Variants in SCAI observed in about 807,000 individuals in gnomAD.
The protein encoded by SCAI is suppressor of cancer cell invasion.
A neutral mutation model predicts 92.2 loss-of-function variants in SCAI; 24 were observed. The observed-to-expected ratio is 0.26, with a 90% CI of 0.19 to 0.37. The LOEUF is 0.37. Ranked by LOEUF, SCAI falls within the 10% of genes least tolerant of loss-of-function variation. SCAI has a pLI of 1.00. For synonymous variants in SCAI, 261 were observed against 258.6 expected (o/e 1.01, Z -0.09); for missense variants, 450 against 736.2 (o/e 0.61, Z 4.50).
intron 2 of SCAI, among the ~76,000 whole-genome samples, chr9:125,066,452 A>ATTT (rs879310884): frequency 8.4e-6 from 1 of 118,696 alleles, no homozygotes; most frequent in African/African-American, 3.3e-5. Context: ...ATTTTATTTT[A>ATTT]TTTATTTATT....
At chr9:125,063,239 T>A (rs1222700544) in intron 2 of SCAI, among the ~76,000 whole-genome samples, 2 of 151,090 alleles carry the variant, frequency 1.3e-5, no homozygotes, top group Non-Finnish European at 2.9e-5. Context: ...CAAAACAGCA[T>A]CTCTATTAAA....
intron 2 of SCAI, among the ~76,000 whole-genome samples, chr9:125,079,636 C>G (rs1031774139): frequency 2.0e-5 from 3 of 151,908 alleles, no homozygotes; most frequent in Non-Finnish European, 4.4e-5. Context: ...AATTCCCAGT[C>G]TTTGAGTCTG....
At chr9:124,996,934 T>C (rs1467479445) in intron 13 of SCAI, among the ~76,000 whole-genome samples, 2 of 152,084 alleles carry the variant, frequency 1.3e-5, no homozygotes, top group Non-Finnish European at 2.9e-5. Context: ...CCAGCCAATA[T>C]AGTATTTTTA....
At chr9:125,054,550 A>G (rs1251713847) in intron 3 of SCAI, among the ~76,000 whole-genome samples, 4 of 152,190 alleles carry the variant, frequency 2.6e-5, no homozygotes, top group Non-Finnish European at 5.9e-5. Flanking sequence ...GAGAAAAAAA[A>G]AAAGTCTAAG....
intron 3 of SCAI, among the ~76,000 whole-genome samples, chr9:125,046,708 A>T (rs913768018): frequency 7.3e-5 from 11 of 150,922 alleles, no homozygotes; most frequent in African/African-American, 2.7e-4. Flanking sequence ...GAAATTTAAA[A>T]AAAAAAAAAA....
At chr9:125,035,679 G>C (rs190497179) in intron 3 of SCAI, among the ~76,000 whole-genome samples, 1 of 152,264 alleles carries the variant, frequency 6.6e-6, no homozygotes, top group East Asian at 1.9e-4. Context: ...AGCACCTAGT[G>C]AAAACACAAA....
intron 12 of SCAI, 93 bp downstream of exon 12, chr9:125,001,872 G>A: frequency 1.2e-6 from 1 of 837,740 alleles, no homozygotes; most frequent in Admixed American, 2.2e-5. Context: ...GTCTAGAAAG[G>A]CTGAGATGGT....
chr9:125,075,160 A>G (rs1001753543), intron 2 of SCAI, among the ~76,000 whole-genome samples: 1 of 152,216 alleles, frequency 6.6e-6, no homozygotes, highest in Admixed American at 6.5e-5. Flanking sequence ...CTGGAGACGG[A>G]TGTAAGGAAG....
intron 9 of SCAI, among the ~76,000 whole-genome samples, chr9:125,009,208 T>C (rs1832577858): frequency 6.6e-6 from 1 of 152,102 alleles, no homozygotes; most frequent in East Asian, 1.9e-4. Context: ...ATACAAAATA[T>C]CAAAATATGT....
At chr9:124,964,383 T>G (rs1040657936) in intron 17 of SCAI, among the ~76,000 whole-genome samples, 2 of 152,192 alleles carry the variant, frequency 1.3e-5, no homozygotes, top group Non-Finnish European at 2.9e-5. Flanking sequence ...ATGATTTCCT[T>G]GATTGTCACA....
intron 9 of SCAI, among the ~76,000 whole-genome samples, chr9:125,016,468 A>C (rs550114979): frequency 6.6e-6 from 1 of 151,834 alleles, no homozygotes; most frequent in African/African-American, 2.4e-5. Context: ...AGGAAGAAGG[A>C]AATAAGAATC....
chr9:125,024,433 G>A (rs1387647779), intron 6 of SCAI, among the ~76,000 whole-genome samples: 3 of 151,950 alleles, frequency 2.0e-5, no homozygotes, highest in South Asian at 2.1e-4. Context: ...GTGCCACCAC[G>A]CCCGGCTAAT....
intron 9 of SCAI, among the ~76,000 whole-genome samples, chr9:125,009,898 T>C (rs945352312): frequency 1.3e-5 from 2 of 151,118 alleles, no homozygotes; most frequent in African/African-American, 4.9e-5. Flanking sequence ...GTCTCAAAAA[T>C]AAAAATAAAG....
At chr9:125,004,766 TATATATATA>T (rs1291317681) in intron 9 of SCAI, among the ~76,000 whole-genome samples, 290 of 10,408 alleles carry the variant, frequency 0.028, 2 homozygotes, top group Non-Finnish European at 0.039. Flanking sequence ...TATATATATA[TATATATATA>T]TATATTTTTT....
At chr9:125,032,616 CTT>C (rs35384919) in intron 3 of SCAI, among the ~76,000 whole-genome samples, 12 of 130,970 alleles carry the variant, frequency 9.2e-5, no homozygotes, top group Non-Finnish European at 9.6e-5. Context: ...TAATATTATG[CTT>C]TTTTTTTTTT....
In SCAI at chr9:124,946,855, A is replaced by T. The variant is rs970415660; in HGVS notation, c.*5952T>A. On this transcript the variant is annotated 3_prime_UTR_variant, in exon 18 of 18. Transcript: ENST00000336505. The surrounding 1 kb of genome is among the most constrained non-coding windows in gnomAD (Gnocchi z 4.0). ...TGAAGGCATTTTATTCAGTGGAAGC[A>T]TTTTCTCAGATGAGCCTACTCACCT... The T allele has an allele frequency of 2.0e-5, 3 of 152,328 alleles. No individual in the cohort carries two copies. The highest frequency in any genetic ancestry group is 6.5e-5 in the Admixed American group (1 of 15,296). 9.4% of individuals were successfully genotyped at this position (152,328 alleles called of 1,614,324 possible).
At chr9:125,104,250 C>T (rs1461416347) in intron 2 of SCAI, among the ~76,000 whole-genome samples, 1 of 152,174 alleles carries the variant, frequency 6.6e-6, no homozygotes, top group African/African-American at 2.4e-5. Flanking sequence ...TATATTAAAA[C>T]CCATCTGGCA....
At chr9:125,108,081 G>A (rs1834842020) in intron 2 of SCAI, among the ~76,000 whole-genome samples, 1 of 152,286 alleles carries the variant, frequency 6.6e-6, no homozygotes, top group Non-Finnish European at 1.5e-5. Context: ...TGATCTGCCA[G>A]CCTGGGCCTC....
intron 3 of SCAI, among the ~76,000 whole-genome samples, chr9:125,031,090 T>C (rs976597663): frequency 1.3e-5 from 2 of 152,118 alleles, no homozygotes; most frequent in African/African-American, 4.8e-5. Flanking sequence ...GGGAAAGGAA[T>C]TTAAGAATTT....
Sources: gnomAD v4.1 joint callset for allele counts (sites outside exome capture counted in the v4.1 genomes callset) on GRCh38, gnomAD v4.1.1 for gene constraint, Gnocchi (gnomAD v3.1) non-coding constraint, MANE v1.5 for transcripts, NCBI Gene and HGNC (gene_info 2026-07-23, HGNC 2026-07-21) for gene names.